The following UMODL1 variants were observed in gnomAD, a reference collection of about 807,000 sequenced individuals.
The protein encoded by UMODL1 is uromodulin like 1, also known as uromodulin-like 1.
Under a neutral mutation model 136.3 loss-of-function variants are expected in UMODL1, and 128 were observed. The observed-to-expected ratio is 0.94, with a 90% confidence interval of 0.81 to 1.09. The LOEUF (loss-of-function observed/expected upper bound fraction) is 1.09. Ranked by LOEUF, UMODL1 falls within the 50% of genes least tolerant of loss-of-function variation. The pLI, the probability that UMODL1 is intolerant of heterozygous loss-of-function variation, is 0.00. For synonymous variants in UMODL1, 721 were observed against 720.0 expected (o/e 1.00, Z -0.02); for missense variants, 1,766 against 1,725.6 (o/e 1.02, Z -0.41).
chr21:42,097,965 C>T (rs1469387175), intron 6 of UMODL1, among the ~76,000 whole-genome samples: 1 of 152,150 alleles, frequency 6.6e-6, no homozygotes, highest in Non-Finnish European at 1.5e-5. Context: ...CTGAGTCCGG[C>T]TTCCTGATGA....
intron 6 of UMODL1, among the ~76,000 whole-genome samples, chr21:42,091,716 C>T (rs2066494504): frequency 6.6e-6 from 1 of 152,210 alleles, no homozygotes; most frequent in African/African-American, 2.4e-5. Context: ...AAGACCCGAG[C>T]TGTTGTTATT....
intron 15 of UMODL1, 141 bp from the exon 16 acceptor site, chr21:42,120,946 G>A: frequency 9.1e-6 from 10 of 1,101,434 alleles, no homozygotes; most frequent in Non-Finnish European, 1.3e-5. Context: ...GTACTTTCCA[G>A]AACTGGTGAG....
chr21:42,085,208 T>C lies in UMODL1; in HGVS notation c.482-83T>C, dbSNP rs1292765638. 7.8e-6 allele frequency: 12 copies of C among 1,546,620 alleles called. No homozygotes were observed. On this transcript the variant is annotated intron_variant, in intron 3 of 22. Coordinates refer to ENST00000408910, the MANE Select transcript of UMODL1 (RefSeq NM_001004416.3). This position sits in a 1 kb window ranked among gnomAD's most constrained non-coding sequence, Gnocchi z 4.5. Reference sequence around the variant, plus strand: ...GCCTCTCATGGCCTCTGGTTCCCTCTCCTGCCCCCTCTCCCACCCCAGCAG... The same window carrying C: ...GCCTCTCATGGCCTCTGGTTCCCTCCCCTGCCCCCTCTCCCACCCCAGCAG...
At chr21:42,139,407 C>G (rs955467056) in intron 22 of UMODL1, among the ~76,000 whole-genome samples, 5 of 152,088 alleles carry the variant, frequency 3.3e-5, no homozygotes, top group South Asian at 4.1e-4. Context: ...AGAGCTCTAT[C>G]GTGAGACAGC....
chr21:42,111,023 GC>G lies in UMODL1; in HGVS notation c.1802del (p.Ala601GlufsTer69), dbSNP rs1283994646. 1 of 1,613,038 alleles carries G rather than the reference GC, an allele frequency of 6.2e-7. No individual in the cohort carries two copies. Among genetic ancestry groups the G allele is most frequent in the Admixed American group, 1.7e-5 (1 of 59,882 alleles). ...TGGGTACCCTCAGGGCACCCCGGCA[GC>G]AGGCCAGGCCTGGACCCCAGAGCCC... is the stretch of plus-strand genomic sequence containing the variant. Reference protein sequence around the residue: ...SPGYPQGTPAAGQAWTPEPSP... With the variant: ...SPGYPQGTPAXGQAWTPEPSP... On this transcript the variant is annotated frameshift_variant, in exon 11 of 23. Coordinates refer to ENST00000408910, the MANE Select transcript of UMODL1 (RefSeq NM_001004416.3). LOFTEE classifies it high-confidence loss of function.
At chr21:42,108,012 C>T (rs1016548950) in intron 9 of UMODL1, among the ~76,000 whole-genome samples, 2 of 152,370 alleles carry the variant, frequency 1.3e-5, no homozygotes, top group Admixed American at 1.3e-4. Flanking sequence ...GGCAGCTCTT[C>T]CTGCTCCCAC....
rs541228480 is a variant in UMODL1 at position 42,141,001 on chromosome 21, G to A, written c.*22-1095G>A. Among the ~76,000 whole-genome samples the A allele has an allele frequency of 1.2e-3, 182 of 152,126 alleles. 1 individual carries two copies. The highest frequency in any genetic ancestry group is 4.0e-3 in the African/African-American group (166 of 41,506). ...CAGGAGACATTGTCAATACCAGCCC[G>A]CCCCCTCTTCGTCAGGCAGGCAGCT... On this transcript the variant is annotated intron_variant, in intron 22 of 22. Coordinates refer to ENST00000408910, the MANE Select transcript of UMODL1 (RefSeq NM_001004416.3).
intron 7 of UMODL1, 66 bp from the exon 8 acceptor site, chr21:42,102,100 G>A: frequency 7.8e-7 from 1 of 1,275,852 alleles, no homozygotes; most frequent in African/African-American, 1.5e-5. Flanking sequence ...AGGCTTCATG[G>A]AAAACATTAA....
chr21:42,073,099 C>T (rs370972361), intron 1 of UMODL1, among the ~76,000 whole-genome samples: 16 of 152,306 alleles, frequency 1.1e-4, no homozygotes, highest in East Asian at 3.9e-4. Flanking sequence ...GGCCATGTAA[C>T]GATCAGGTGG....
At chr21:42,112,654 C>A (rs182901397) in intron 12 of UMODL1, among the ~76,000 whole-genome samples, 94 of 151,862 alleles carry the variant, frequency 6.2e-4, no homozygotes, top group Non-Finnish European at 1.2e-4. Context: ...TGTTCTGCAC[C>A]TCCCCAGCTG....
intron 2 of UMODL1, among the ~76,000 whole-genome samples, chr21:42,076,619 G>A (rs969852248): frequency 6.6e-6 from 1 of 152,204 alleles, no homozygotes; most frequent in African/African-American, 2.4e-5. Flanking sequence ...CCGGGGCGTT[G>A]AGAGAGTGTC....
intron 6 of UMODL1, among the ~76,000 whole-genome samples, chr21:42,095,418 TC>T (rs1329105735): frequency 6.6e-6 from 1 of 152,068 alleles, no homozygotes; most frequent in East Asian, 1.9e-4. Context: ...AAGGTCAACA[TC>T]TTTGTTTTTT....
intron 9 of UMODL1, 150 bp from the exon 10 acceptor site, chr21:42,109,412 T>G: frequency 2.0e-6 from 2 of 1,018,666 alleles, no homozygotes; most frequent in Non-Finnish European, 2.9e-6. Flanking sequence ...AAGGTTGTCA[T>G]GAGAGTGTTG....
intron 6 of UMODL1, among the ~76,000 whole-genome samples, chr21:42,096,432 T>C (rs1040281804): frequency 1.3e-5 from 2 of 152,136 alleles, no homozygotes; most frequent in Non-Finnish European, 2.9e-5. Context: ...AAAGAGTAAA[T>C]ATACTTATTA....
rs980608726 is a variant in UMODL1 at position 42,099,755 on chromosome 21, G to A, written c.1186+575G>A. 2.6e-5 allele frequency among the ~76,000 whole-genome samples: 4 copies of A among 152,098 alleles called. No individual in the cohort carries two copies. The highest frequency in any genetic ancestry group is 5.9e-5 in the Non-Finnish European group (4 of 68,020). ...GAGTGTAGTGGTATGATCACAGCTC[G>A]CTGCGGCCTCGACCCCCTGGACTCA... On this transcript the variant is annotated intron_variant, in intron 7 of 22. Transcript: ENST00000408910. This position sits in a 1 kb window ranked among gnomAD's most constrained non-coding sequence, Gnocchi z 4.1.
Position 42,119,326 on chromosome 21 carries a change from T to C in UMODL1, c.2689+2T>C. The C allele has an allele frequency of 6.2e-7, 1 of 1,613,232 alleles. No homozygotes were observed. The highest frequency in any genetic ancestry group is 8.5e-7 in the Non-Finnish European group (1 of 1,179,850). On this transcript the variant is annotated splice_donor_variant, in intron 15 of 22. Transcript: ENST00000408910. LOFTEE classifies it high-confidence loss of function. The stretch of plus-strand genomic sequence containing the variant: ...TCAGAGGCGACACCTTCATACAGGG[T>C]ACGAGAGGCTGGGATGGAGCCTCTC...
intron 14 of UMODL1, among the ~76,000 whole-genome samples, chr21:42,116,270 C>G (rs2066901343): frequency 6.6e-6 from 1 of 151,226 alleles, no homozygotes; most frequent in African/African-American, 2.4e-5. Context: ...AGGAGAATCT[C>G]TTGAACCCAG....
chr21:42,116,020 G>A (rs1012375120), intron 14 of UMODL1, 35 bp downstream of exon 14: 1 of 1,536,848 alleles, frequency 6.5e-7, no homozygotes, highest in African/African-American at 1.4e-5. Flanking sequence ...ATTCCTTTCA[G>A]GAGGGAAAGG....
At chr21:42,116,723 A>G (rs1272556131) in intron 14 of UMODL1, among the ~76,000 whole-genome samples, 1 of 152,192 alleles carries the variant, frequency 6.6e-6, no homozygotes, top group Non-Finnish European at 1.5e-5. Flanking sequence ...AAATTGTGCA[A>G]CCATCACTAC....
Sources: allele counts gnomAD v4.1 joint callset (sites outside exome capture counted in the v4.1 genomes callset), GRCh38; gene constraint gnomAD v4.1.1; non-coding constraint Gnocchi (gnomAD v3.1); transcripts MANE v1.5; gene names NCBI Gene and HGNC (gene_info 2026-07-23, HGNC 2026-07-21).